Variants in SLC66A2 observed in about 807,000 individuals in gnomAD.
The protein encoded by SLC66A2 is PQ loop repeat containing 1.
Under a neutral mutation model 25.5 loss-of-function variants are expected in SLC66A2, and 23 were observed. That is an observed-to-expected ratio of 0.90 (90% CI 0.65 to 1.28). SLC66A2 has a LOEUF of 1.28. Ranked by LOEUF, SLC66A2 falls within the 50% of genes most tolerant of loss-of-function variation. The pLI is 0.00. For synonymous variants in SLC66A2, 193 were observed against 166.5 expected (o/e 1.16, Z -1.23); for missense variants, 396 against 373.1 (o/e 1.06, Z -0.51).
chr18:79,905,822 C>T (rs1208900844), intron 5 of SLC66A2, among the ~76,000 whole-genome samples: 1 of 152,248 alleles, frequency 6.6e-6, no homozygotes, highest in African/African-American at 2.4e-5. Flanking sequence ...AGCATCAGCT[C>T]ACACTTGAGT....
At chr18:79,949,780 A>C (rs752793809) in intron 2 of SLC66A2, 2 of 152,218 alleles carry the variant, frequency 1.3e-5, no homozygotes, top group Non-Finnish European at 2.9e-5. Context: ...CCACCCCTCC[A>C]CCAGGCCCTC....
At chr18:79,942,412 C>T (rs1162451804) in intron 3 of SLC66A2, among the ~76,000 whole-genome samples, 1 of 152,150 alleles carries the variant, frequency 6.6e-6, no homozygotes, top group Non-Finnish European at 1.5e-5. Flanking sequence ...AGTCTAGAAA[C>T]AGAAGCAGAC....
chr18:79,936,201 A>G (rs1987072803), intron 3 of SLC66A2, among the ~76,000 whole-genome samples: 1 of 152,192 alleles, frequency 6.6e-6, no homozygotes, highest in Non-Finnish European at 1.5e-5. Context: ...TGATAGTGAC[A>G]GGGAGGTGCC....
rs527318098 is a variant in SLC66A2 at position 79,945,742 on chromosome 18, C to G, written c.204-2280G>C. Among the ~76,000 whole-genome samples, 5 of 152,346 alleles carry G rather than the reference C, an allele frequency of 3.3e-5. No homozygotes were observed. The East Asian group carries it at 9.7e-4, about 29-fold the overall frequency. On this transcript the variant is annotated intron_variant, in intron 2 of 5. Transcript: ENST00000397778. Reference sequence around the variant, plus strand: ...CTGCCCACAGGCTGGCTCCAGCCCCCACACCGGCCCCCTCCAGGCCTCAGC... The same window carrying G: ...CTGCCCACAGGCTGGCTCCAGCCCCGACACCGGCCCCCTCCAGGCCTCAGC...
At chr18:79,931,055 T>C (rs528743084) in intron 4 of SLC66A2, among the ~76,000 whole-genome samples, 1 of 152,288 alleles carries the variant, frequency 6.6e-6, no homozygotes, top group East Asian at 1.9e-4. Flanking sequence ...TTCAAGTAAC[T>C]ACTAAGAAAA....
chr18:79,942,228 G>C (rs376304489), intron 3 of SLC66A2, among the ~76,000 whole-genome samples: 7 of 152,248 alleles, frequency 4.6e-5, no homozygotes, highest in Non-Finnish European at 8.8e-5. Flanking sequence ...GAAGGGAACA[G>C]AGCAGAGACT....
rs761893159 is a variant in SLC66A2 at position 79,919,305 on chromosome 18, G to C, written c.487C>G (p.Leu163Val). 1.2e-6 allele frequency: 2 copies of C among 1,613,296 alleles called. No homozygotes were observed. Among genetic ancestry groups the C allele is most frequent in the African/African-American group, 1.3e-5 (1 of 75,070 alleles). Residue 163 changes from leucine to valine, a missense_variant, in exon 5 of 6, where the codon CTG becomes GTG. Leu to Val is a conservative substitution (Grantham distance 32). Coordinates refer to ENST00000397778, the MANE Select transcript of SLC66A2 (RefSeq NM_025078.5). ...FTGVAGYITY[L>V]SIDSALFVET... ...ACAAACAGGGCGGAGTCAATGGACA[G>C]GTAGGTGATGTAGCCCGCCACGCCC...
rs1156357112 is a variant in SLC66A2, at chr18:79,919,261, C to T, written c.531G>A (p.Leu177=). ...SALFVETLGF[L]AVLTEAMLGV... ...CCAGCATGGCTTCGGTCAGCACAGCCAGGAAGCCCAGGGTCTCCACAAACA... is the reference window on the plus strand; with the variant it reads ...CCAGCATGGCTTCGGTCAGCACAGCTAGGAAGCCCAGGGTCTCCACAAACA... The change falls in exon 5 of 6, where the codon CTG becomes CTA. Residue 177 remains leucine, a synonymous_variant. Coordinates refer to ENST00000397778, the MANE Select transcript of SLC66A2 (RefSeq NM_025078.5). 1.2e-6 allele frequency: 2 copies of T among 1,613,312 alleles called. No homozygotes were observed. Among genetic ancestry groups the T allele is most frequent in the South Asian group, 2.2e-5 (2 of 91,086 alleles).
At chr18:79,947,760 C>T (rs1360996336) in intron 2 of SLC66A2, among the ~76,000 whole-genome samples, 1 of 151,882 alleles carries the variant, frequency 6.6e-6, no homozygotes, top group Admixed American at 6.6e-5. Context: ...CACAAATCCT[C>T]TGCCCTACAA....
At chr18:79,925,783 TGG>T (rs1985881383) in intron 4 of SLC66A2, among the ~76,000 whole-genome samples, 3 of 152,192 alleles carry the variant, frequency 2.0e-5, no homozygotes, top group Admixed American at 6.5e-5. Context: ...TGAGAGAGCC[TGG>T]TGTAAGAGGA....
At chr18:79,926,019 G>A (rs1157063112) in intron 4 of SLC66A2, among the ~76,000 whole-genome samples, 2 of 152,130 alleles carry the variant, frequency 1.3e-5, no homozygotes, top group Non-Finnish European at 2.9e-5. Flanking sequence ...AAACCAAGAC[G>A]GCCACAAGAG....
intron 3 of SLC66A2, among the ~76,000 whole-genome samples, chr18:79,936,369 C>T (rs1256382475): frequency 6.6e-6 from 1 of 152,220 alleles, no homozygotes; most frequent in Non-Finnish European, 1.5e-5. Context: ...CCCCTACATA[C>T]AACACATTTT....
At position 79,904,189 on chromosome 18, in the gene SLC66A2, G is replaced by A; in HGVS notation, c.609-6C>T. 1 of 1,612,604 alleles carries A rather than the reference G, an allele frequency of 6.2e-7. No homozygotes were observed. Among genetic ancestry groups the A allele is most frequent in the Non-Finnish European group, 8.5e-7 (1 of 1,179,606 alleles). On this transcript the variant is annotated splice_polypyrimidine_tract_variant and splice_region_variant and intron_variant, in intron 5 of 5. Transcript: ENST00000397778. This position sits in a 1 kb window ranked among gnomAD's most constrained non-coding sequence, Gnocchi z 6.3. ...ACATGAGCACCATCTTGATGCTGTG[G>A]AGACACAAGCAGGCGGTCAGCGGTG...
rs894704340 is a variant in SLC66A2, at chr18:79,918,658, G to A, written c.608+526C>T. ...GTGCCCTACCTCTGGCGGTCACGGG[G>A]ACGTCCAGGCACGCACTGGTGCAGG... On this transcript the variant is annotated intron_variant, in intron 5 of 5. Transcript: ENST00000397778. This position sits in a 1 kb window ranked among gnomAD's most constrained non-coding sequence, Gnocchi z 4.0. 6.6e-6 allele frequency among the ~76,000 whole-genome samples: 1 copy of A among 152,252 alleles called. No individual in the cohort carries two copies. The highest frequency in any genetic ancestry group is 1.5e-5 in the Non-Finnish European group (1 of 68,042).
intron 3 of SLC66A2, among the ~76,000 whole-genome samples, chr18:79,934,803 T>G (rs935682512): frequency 1.8e-4 from 27 of 152,090 alleles, no homozygotes; most frequent in Admixed American, 1.8e-3. Flanking sequence ...AAGGTTGTGT[T>G]TGCCTGCCCC....
chr18:79,949,367 T>G (rs1335424566), intron 2 of SLC66A2, among the ~76,000 whole-genome samples: 1 of 152,146 alleles, frequency 6.6e-6, no homozygotes, highest in Non-Finnish European at 1.5e-5. Context: ...TAAGGTTGAC[T>G]TAAAAACTAA....
intron 5 of SLC66A2, chr18:79,916,046 C>T (rs12965926): frequency 4.1e-5 from 9 of 217,690 alleles, no homozygotes; most frequent in Non-Finnish European, 6.6e-5. Context: ...ACGGTGCTCC[C>T]GTACCCATGG....
rs866101254 is a variant in SLC66A2, at chr18:79,921,288, G to A, written c.392-1888C>T. 2.8e-3 allele frequency among the ~76,000 whole-genome samples: 8 copies of A among 2,892 alleles called. 2 individuals carry two copies. Among genetic ancestry groups the A allele is most frequent in the African/African-American group, 3.9e-3 (1 of 258 alleles). 1.9% of individuals were successfully genotyped at this position (2,892 alleles called of 152,430 possible). ...GAGACGGGAACCGAGGGAGAGGTCAGGGTCAGTGAGGAGAGACAGGAACCG... is the reference window on the plus strand; with the variant it reads ...GAGACGGGAACCGAGGGAGAGGTCAAGGTCAGTGAGGAGAGACAGGAACCG... On this transcript the variant is annotated intron_variant, in intron 4 of 5. Transcript: ENST00000397778.
Position 79,937,254 on chromosome 18 carries a change from G to C in SLC66A2, c.338-3232C>G, listed in dbSNP as rs1022724144. On this transcript the variant is annotated intron_variant, in intron 3 of 5. Transcript: ENST00000397778. This position sits in a 1 kb window ranked among gnomAD's most constrained non-coding sequence, Gnocchi z 5.4. ...TTCTAGGTCTGGGGCAGGAGATGTAGCCGCCACACGAGCACCCTGTTATAC... is the reference window on the plus strand; with the variant it reads ...TTCTAGGTCTGGGGCAGGAGATGTACCCGCCACACGAGCACCCTGTTATAC... Among the ~76,000 whole-genome samples the C allele has an allele frequency of 6.6e-6, 1 of 152,170 alleles. No individual in the cohort carries two copies. The highest frequency in any genetic ancestry group is 1.5e-5 in the Non-Finnish European group (1 of 68,048).
Sources: allele counts gnomAD v4.1 joint callset (sites outside exome capture counted in the v4.1 genomes callset), GRCh38; gene constraint gnomAD v4.1.1; non-coding constraint Gnocchi (gnomAD v3.1); transcripts MANE v1.5; gene names NCBI Gene and HGNC (gene_info 2026-07-23, HGNC 2026-07-21).